Variants in FOXK1 observed in about 807,000 individuals in gnomAD.
The protein encoded by FOXK1 is forkhead box K1.
FOXK1 carries 19 observed loss-of-function variants against 51.9 expected under a neutral mutation model. That is an observed-to-expected ratio of 0.37 (90% CI 0.26 to 0.54). The LOEUF is 0.54. FOXK1 is among the 20% of genes least tolerant of loss of function. The probability of loss-of-function intolerance (pLI) is 0.87; values close to 1 mark genes in which losing one functional copy is unlikely to be tolerated. For missense variants in FOXK1, 870 were observed against 1,032.7 expected (o/e 0.84, Z 2.16); for synonymous variants, 537 against 482.6 (o/e 1.11, Z -1.48).
At chr7:4,721,622 G>C (rs1057070385) in intron 1 of FOXK1, among the ~76,000 whole-genome samples, 43 of 93,636 alleles carry the variant, frequency 4.6e-4, no homozygotes, top group Non-Finnish European at 8.2e-4. Context: ...TCAGAGTCTT[G>C]TTGTGTCACC....
intron 1 of FOXK1, among the ~76,000 whole-genome samples, chr7:4,737,573 T>TGTGTGTGTGTGC (rs896937410): frequency 5.9e-5 from 9 of 151,942 alleles, no homozygotes; most frequent in African/African-American, 2.2e-4. Flanking sequence ...TGTGTGTGTG[T>TGTGTGTGTGTGC]GCATGCATGT....
intron 1 of FOXK1, among the ~76,000 whole-genome samples, chr7:4,688,549 C>G (rs1383494001): frequency 6.6e-6 from 1 of 152,106 alleles, no homozygotes; most frequent in Non-Finnish European, 1.5e-5. Context: ...GCGCTCGCCA[C>G]GACACCTGGC....
rs117810822 is a variant in FOXK1 at position 4,705,629 on chromosome 7, C to T, written c.560+22761C>T. ...TCTGTTCACGGCAACCTCTGCTTCC[C>T]GCATTGAAGCAATTCTCCTGCCTCA... On this transcript the variant is annotated intron_variant, in intron 1 of 8. Coordinates refer to ENST00000328914, the MANE Select transcript of FOXK1 (RefSeq NM_001037165.2). Among the ~76,000 whole-genome samples the T allele has an allele frequency of 2.1e-3, 315 of 150,878 alleles. 4 individuals carry two copies. In the East Asian group the frequency reaches 0.036, roughly 17 times the overall value.
At chr7:4,760,986 C>T (rs1583213690) in intron 7 of FOXK1, 78 bp from the exon 8 acceptor site, 21 of 1,406,882 alleles carry the variant, frequency 1.5e-5, no homozygotes, top group South Asian at 1.4e-4. Context: ...CCCACTTGTC[C>T]GACCTGCTGC....
chr7:4,713,379 A>G (rs896523285), intron 1 of FOXK1, among the ~76,000 whole-genome samples: 5 of 150,368 alleles, frequency 3.3e-5, no homozygotes, highest in African/African-American at 1.3e-4. Context: ...GTCGCGGAAA[A>G]AACGAAGGCA....
At position 4,721,367 on chromosome 7, in the gene FOXK1, G is replaced by T. The variant is rs565473243; in HGVS notation, c.561-19471G>T. 1.2e-4 allele frequency among the ~76,000 whole-genome samples: 18 copies of T among 152,238 alleles called. 1 individual carries two copies. The South Asian group carries it at 3.7e-3, about 32-fold the overall frequency. ...ATGGTGCAACCTTCTGATGACCTTG[G>T]TGAGAAGCGACCATTCCCTGCGACC... is the stretch of plus-strand genomic sequence containing the variant. On this transcript the variant is annotated intron_variant, in intron 1 of 8. Coordinates refer to ENST00000328914, the MANE Select transcript of FOXK1 (RefSeq NM_001037165.2).
intron 1 of FOXK1, among the ~76,000 whole-genome samples, chr7:4,699,369 G>A (rs1397726787): frequency 6.8e-6 from 1 of 146,534 alleles, no homozygotes; most frequent in African/African-American, 2.5e-5. Context: ...CTTATCCACA[G>A]GGTTAGGTTT....
At chr7:4,727,979 A>G (rs1780402061) in intron 1 of FOXK1, among the ~76,000 whole-genome samples, 1 of 152,166 alleles carries the variant, frequency 6.6e-6, no homozygotes, top group Non-Finnish European at 1.5e-5. Context: ...TGGCATTGGT[A>G]TAGACAGATA....
Position 4,683,675 on chromosome 7 carries a change from C to G in FOXK1, c.560+807C>G, listed in dbSNP as rs1399212285. ...CCACCAGCCAGGGCCTCAAGTCACC[C>G]CAGTGCCTGATGCCTGCCGTCCTGG... On this transcript the variant is annotated intron_variant, in intron 1 of 8. Coordinates refer to ENST00000328914, the MANE Select transcript of FOXK1 (RefSeq NM_001037165.2). This position sits in a 1 kb window ranked among gnomAD's most constrained non-coding sequence, Gnocchi z 4.5. 6.6e-6 allele frequency among the ~76,000 whole-genome samples: 1 copy of G among 152,142 alleles called. No homozygotes were observed. Among genetic ancestry groups the G allele is most frequent in the African/African-American group, 2.4e-5 (1 of 41,442 alleles).
chr7:4,710,871 A>G (rs1780165569), intron 1 of FOXK1, among the ~76,000 whole-genome samples: 1 of 151,720 alleles, frequency 6.6e-6, no homozygotes, highest in South Asian at 2.1e-4. Flanking sequence ...GATTTTTCCC[A>G]TTTGTTTTCA....
At position 4,696,923 on chromosome 7, in the gene FOXK1, C is replaced by T. The variant is rs1322657015; in HGVS notation, c.560+14055C>T. 3.3e-5 allele frequency among the ~76,000 whole-genome samples: 5 copies of T among 152,242 alleles called. No individual in the cohort carries two copies. In the East Asian group the frequency reaches 9.7e-4, roughly 29 times the overall value. On this transcript the variant is annotated intron_variant, in intron 1 of 8. Coordinates refer to ENST00000328914, the MANE Select transcript of FOXK1 (RefSeq NM_001037165.2). ...TCTCTACTAAAAATACAAAAATTAG[C>T]CAGGCATGGTGGTGTGCTCCTGTAG...
In FOXK1 at chr7:4,730,040, A is replaced by C. The variant is rs1032330328; in HGVS notation, c.561-10798A>C. On this transcript the variant is annotated intron_variant, in intron 1 of 8. Coordinates refer to ENST00000328914, the MANE Select transcript of FOXK1 (RefSeq NM_001037165.2). The surrounding 1 kb of genome is among the most constrained non-coding windows in gnomAD (Gnocchi z 4.7). Reference sequence around the variant, plus strand: ...GGAAAAAGAAAGCCCGGCTTCGGTCAGACCGTTGTCTGCGTTTTTCACCGC... The same window carrying C: ...GGAAAAAGAAAGCCCGGCTTCGGTCCGACCGTTGTCTGCGTTTTTCACCGC... Among the ~76,000 whole-genome samples the C allele has an allele frequency of 6.6e-6, 1 of 152,256 alleles. No individual in the cohort carries two copies. Among genetic ancestry groups the C allele is most frequent in the Non-Finnish European group, 1.5e-5 (1 of 68,046 alleles).
rs189671652 is a variant in FOXK1 at position 4,730,251 on chromosome 7, G to A, written c.561-10587G>A. 1.2e-3 allele frequency among the ~76,000 whole-genome samples: 176 copies of A among 152,230 alleles called. 1 individual carries two copies. The highest frequency in any genetic ancestry group is 1.8e-3 in the Non-Finnish European group (122 of 68,022). On this transcript the variant is annotated intron_variant, in intron 1 of 8. Coordinates refer to ENST00000328914, the MANE Select transcript of FOXK1 (RefSeq NM_001037165.2). The surrounding 1 kb of genome is among the most constrained non-coding windows in gnomAD (Gnocchi z 4.7). ...CCGGGTTTTAATTCACACACACCAC[G>A]CACACCCCCACATTGTTGTCACTGC...
intron 1 of FOXK1, among the ~76,000 whole-genome samples, chr7:4,736,140 C>T (rs1238208670): frequency 6.6e-6 from 1 of 152,182 alleles, no homozygotes; most frequent in East Asian, 1.9e-4. Context: ...CAGAGCGAGA[C>T]TCTGTTTCAA....
intron 1 of FOXK1, among the ~76,000 whole-genome samples, chr7:4,695,167 C>G (rs1441504807): frequency 6.6e-6 from 1 of 152,186 alleles, no homozygotes; most frequent in Admixed American, 6.5e-5. Flanking sequence ...GCTGTACAGC[C>G]CTGGCATTGG....
At chr7:4,713,890 G>C (rs1271488750) in intron 1 of FOXK1, among the ~76,000 whole-genome samples, 1 of 151,080 alleles carries the variant, frequency 6.6e-6, no homozygotes, top group Non-Finnish European at 1.5e-5. Context: ...CAGTGGCGTA[G>C]TCTTGGCTCA....
chr7:4,684,871 A>G (rs1779799061), intron 1 of FOXK1, among the ~76,000 whole-genome samples: 1 of 151,936 alleles, frequency 6.6e-6, no homozygotes. Flanking sequence ...TTTCAACCTC[A>G]GATCGTCTAC....
At chr7:4,721,248 T>G (rs1024731793) in intron 1 of FOXK1, among the ~76,000 whole-genome samples, 9 of 152,166 alleles carry the variant, frequency 5.9e-5, no homozygotes, top group African/African-American at 2.2e-4. Flanking sequence ...GTGGGGGCTT[T>G]GCCTGTGTGT....
chr7:4,751,976 A>G lies in FOXK1; in HGVS notation c.747-2483A>G, dbSNP rs1189834000. Reference sequence around the variant, plus strand: ...AGGTTTTTTGTTTGTTTTTTGAGATAAGGTCTCACTCTGTTGCCCAGGCTA... The same window carrying G: ...AGGTTTTTTGTTTGTTTTTTGAGATGAGGTCTCACTCTGTTGCCCAGGCTA... On this transcript the variant is annotated intron_variant, in intron 2 of 8. Coordinates refer to ENST00000328914, the MANE Select transcript of FOXK1 (RefSeq NM_001037165.2). Among the ~76,000 whole-genome samples the G allele has an allele frequency of 2.6e-5, 4 of 152,232 alleles. 1 individual carries two copies. The South Asian group carries it at 8.3e-4, about 32-fold the overall frequency.
Sources: gnomAD v4.1 joint callset for allele counts (sites outside exome capture counted in the v4.1 genomes callset) on GRCh38, gnomAD v4.1.1 for gene constraint, Gnocchi (gnomAD v3.1) non-coding constraint, MANE v1.5 for transcripts, NCBI Gene and HGNC (gene_info 2026-07-23, HGNC 2026-07-21) for gene names.